Variants in ADAMTSL1 observed in about 807,000 individuals in gnomAD.
The protein encoded by ADAMTSL1 is ADAMTS like 1, also known as ADAMTS-like protein 1.
ADAMTSL1 carries 126 observed loss-of-function variants against 201.8 expected under a neutral mutation model. The ratio of observed to expected loss-of-function variants is 0.62; its 90% confidence interval spans 0.54 to 0.72. ADAMTSL1 has a LOEUF of 0.72. Among genes scored for constraint, ADAMTSL1 ranks in the 30% least tolerant of loss-of-function variants. ADAMTSL1 has a pLI of 0.00. For missense variants in ADAMTSL1, 2,679 were observed against 2,277.8 expected (o/e 1.18, Z -3.59); for synonymous variants, 1,121 against 903.4 (o/e 1.24, Z -4.32).
intron 23 of ADAMTSL1, among the ~76,000 whole-genome samples, chr9:18,885,844 G>C (rs1270081751): frequency 6.6e-6 from 1 of 152,052 alleles, no homozygotes; most frequent in East Asian, 1.9e-4. Context: ...ACACGGTCCA[G>C]GCGTCGGATA....
At chr9:18,644,156 A>C (rs1587778603) in intron 7 of ADAMTSL1, among the ~76,000 whole-genome samples, 1 of 151,828 alleles carries the variant, frequency 6.6e-6, no homozygotes, top group South Asian at 2.1e-4. Flanking sequence ...TTGTTTCATT[A>C]ATTTCTTTTT....
At chr9:18,235,581 A>G (rs7026054) in intron 2 of ADAMTSL1, among the ~76,000 whole-genome samples, 152,338 of 152,342 alleles carry the variant, frequency 1, 76,167 homozygotes, top group Middle Eastern at 1. Context: ...TGCCAACCAG[A>G]CATTGGGCTA....
At chr9:17,971,674 T>C (rs1361593244) in intron 1 of ADAMTSL1, among the ~76,000 whole-genome samples, 1 of 151,978 alleles carries the variant, frequency 6.6e-6, no homozygotes, top group Non-Finnish European at 1.5e-5. Context: ...TTTAACTAAA[T>C]GGGGCTTTTA....
chr9:18,350,564 A>G (rs66899643), intron 2 of ADAMTSL1, among the ~76,000 whole-genome samples: 20,455 of 152,110 alleles, frequency 0.13, 1,451 homozygotes, highest in South Asian at 0.2. Context: ...ATACAAGGAA[A>G]TTGTCAGAAC....
At chr9:18,291,150 AG>A (rs58314736) in intron 2 of ADAMTSL1, among the ~76,000 whole-genome samples, 70,321 of 151,548 alleles carry the variant, frequency 0.46, 17,296 homozygotes, top group South Asian at 0.69. Flanking sequence ...AGGGATATGT[AG>A]GTAAGCTGAG....
rs575007086 is a variant in ADAMTSL1, at chr9:18,563,434, T to C, written c.238-10596T>C. The stretch of plus-strand genomic sequence containing the variant: ...AGATGCCAGCTGGAGCTCTCCTATA[T>C]GAGGTGTCTGTTGACCCCTGCTGGA... On this transcript the variant is annotated intron_variant, in intron 3 of 28. Coordinates refer to ENST00000380548, the MANE Select transcript of ADAMTSL1 (RefSeq NM_001040272.6). Among the ~76,000 whole-genome samples, 4 of 152,272 alleles carry C rather than the reference T, an allele frequency of 2.6e-5. No individual in the cohort carries two copies. In the East Asian group the frequency reaches 7.7e-4, roughly 29 times the overall value.
chr9:18,528,013 G>A (rs1819197874), intron 2 of ADAMTSL1, among the ~76,000 whole-genome samples: 1 of 152,032 alleles, frequency 6.6e-6, no homozygotes, highest in Non-Finnish European at 1.5e-5. Context: ...GAGTAGCTGG[G>A]ATTACAGGTG....
chr9:17,928,276 G>C (rs1826637262), intron 1 of ADAMTSL1, among the ~76,000 whole-genome samples: 1 of 152,186 alleles, frequency 6.6e-6, no homozygotes, highest in Admixed American at 6.5e-5. Flanking sequence ...TGGGATTACA[G>C]ATGTTAGCCA....
intron 1 of ADAMTSL1, among the ~76,000 whole-genome samples, chr9:18,060,755 T>A (rs1280625855): frequency 6.6e-6 from 1 of 152,186 alleles, no homozygotes; most frequent in East Asian, 1.9e-4. Flanking sequence ...AGGTTCTCTG[T>A]TTTTAGAATA....
At chr9:18,014,871 T>A (rs959247464) in intron 1 of ADAMTSL1, among the ~76,000 whole-genome samples, 2 of 152,000 alleles carry the variant, frequency 1.3e-5, no homozygotes, top group Non-Finnish European at 2.9e-5. Context: ...GAAAATCACT[T>A]ACTCTGTGGG....
rs901815810 is a variant in ADAMTSL1, at chr9:18,818,549, T to C, written c.3934+1312T>C. On this transcript the variant is annotated intron_variant, in intron 21 of 28. Transcript: ENST00000380548. ...GCTCACGCCTGTAATCTCAGCACTT[T>C]GGGAAGCTGAGGTGGGCAGATTACT... Among the ~76,000 whole-genome samples the C allele has an allele frequency of 2.6e-5, 4 of 152,168 alleles. No individual in the cohort carries two copies. In the East Asian group the frequency reaches 7.7e-4, roughly 29 times the overall value.
At chr9:18,526,647 C>A (rs1374091350) in intron 2 of ADAMTSL1, among the ~76,000 whole-genome samples, 1 of 152,174 alleles carries the variant, frequency 6.6e-6, no homozygotes, top group African/African-American at 2.4e-5. Flanking sequence ...GTAACAAAAT[C>A]TCTCAGCATT....
At chr9:18,847,061 C>T (rs1359650393) in intron 23 of ADAMTSL1, among the ~76,000 whole-genome samples, 3 of 152,194 alleles carry the variant, frequency 2.0e-5, no homozygotes, top group East Asian at 1.9e-4. Context: ...CTGCTCATTT[C>T]CTTAACATCT....
chr9:18,400,478 C>T (rs1817943969), intron 2 of ADAMTSL1, among the ~76,000 whole-genome samples: 1 of 152,192 alleles, frequency 6.6e-6, no homozygotes. Flanking sequence ...TCATAATACG[C>T]TCTAACAGAA....
intron 23 of ADAMTSL1, among the ~76,000 whole-genome samples, chr9:18,877,667 G>T (rs573594170): frequency 1.1e-4 from 17 of 152,236 alleles, no homozygotes; most frequent in African/African-American, 4.1e-4. Context: ...GAGGGTCCTT[G>T]GTTGTAGTTT....
rs1822554695 is a variant in ADAMTSL1, at chr9:18,063,551, C to A, written c.88-100311C>A. ...AGAGACATTCATTGTTCAAAACAGG[C>A]ATAATTCAGTGTTCTTTTCTGTTAG... is the stretch of plus-strand genomic sequence containing the variant. On this transcript the variant is annotated intron_variant, in intron 1 of 29. Transcript: ENST00000680146. Among the ~76,000 whole-genome samples, 3 of 152,152 alleles carry A rather than the reference C, an allele frequency of 2.0e-5. No homozygotes were observed. In the South Asian group the frequency reaches 6.2e-4, roughly 32 times the overall value.
intron 1 of ADAMTSL1, among the ~76,000 whole-genome samples, chr9:18,092,470 G>T (rs1824071041): frequency 1.3e-5 from 2 of 152,214 alleles, no homozygotes. Context: ...AGTCAAACAT[G>T]AATTATTTTG....
At chr9:17,954,734 G>A (rs1470852238) in intron 1 of ADAMTSL1, among the ~76,000 whole-genome samples, 4 of 152,066 alleles carry the variant, frequency 2.6e-5, no homozygotes, top group Non-Finnish European at 5.9e-5. Flanking sequence ...CAGAGTTTTA[G>A]TCTAAGTTAA....
chr9:17,974,666 T>G (rs1387689160), intron 1 of ADAMTSL1, among the ~76,000 whole-genome samples: 1 of 152,058 alleles, frequency 6.6e-6, no homozygotes, highest in African/African-American at 2.4e-5. Flanking sequence ...TCCTCCAGAT[T>G]CATCCATGTT....
Sources: allele counts gnomAD v4.1 joint callset (sites outside exome capture counted in the v4.1 genomes callset), GRCh38; gene constraint gnomAD v4.1.1; transcripts MANE v1.5; gene names NCBI Gene and HGNC (gene_info 2026-07-23, HGNC 2026-07-21).